ZNF587: variants seen among roughly 807,000 people sequenced by gnomAD.
The protein encoded by ZNF587 is zinc finger protein zfp6.
ZNF587 carries 8 observed loss-of-function variants against 7.5 expected under a neutral mutation model. That is an observed-to-expected ratio of 1.06 (90% CI 0.62 to 1.92). The LOEUF is 1.92. Ranked by LOEUF, ZNF587 falls within the 40% of genes most tolerant of loss-of-function variation. ZNF587 has a pLI of 0.00. For missense variants in ZNF587, 468 were observed against 692.8 expected (o/e 0.68, Z 3.64); for synonymous variants, 145 against 237.8 (o/e 0.61, Z 3.59).
intron 1 of ZNF587, chr19:57,851,571 G>T: frequency 6.5e-6 from 1 of 154,158 alleles, no homozygotes; most frequent in South Asian, 1.8e-4. Context: ...CACAGGTAGG[G>T]GTGCAGGCAA....
At position 57,864,741 on chromosome 19, in the gene ZNF587, C is replaced by CCA. The variant is rs990083709; in HGVS notation, c.*4609_*4610dup. On this transcript the variant is annotated 3_prime_UTR_variant, in exon 3 of 3. Transcript: ENST00000339656. ...AAGGGCTCGTTCAAACAAATTATGA[C>CCA]CACACACACTGAAGAGTATGTTTGT... The CCA allele has an allele frequency of 1.3e-5, 2 of 151,940 alleles. No individual in the cohort carries two copies. Among genetic ancestry groups the CCA allele is most frequent in the African/African-American group, 4.8e-5 (2 of 41,390 alleles). The allele number at this position is 151,940 out of a possible 1,614,324, so 9.4% of individuals were successfully genotyped here. A position where few individuals can be genotyped will look rare whatever the true frequency, so the allele number is the denominator to read the frequency against.
intron 1 of ZNF587, chr19:57,854,255 C>G (rs1442399164): frequency 6.6e-6 from 1 of 151,994 alleles, no homozygotes; most frequent in Non-Finnish European, 1.5e-5. Context: ...CAGCTGAGGT[C>G]TCAGCTGGTG....
In ZNF587 at chr19:57,859,620, C is replaced by T. The variant is rs778217823; in HGVS notation, c.1208C>T (p.Thr403Ile). The part of the protein sequence containing the change: ...GNLVHHQRGH[T>I]GERPYECKEC... The stretch of plus-strand genomic sequence containing the variant: ...CTCGTTCACCATCAGCGAGGTCATA[C>T]TGGAGAAAGGCCCTATGAGTGCAAG... The change falls in exon 3 of 3, where the codon ACT (threonine) becomes ATT (isoleucine). Residue 403 changes from threonine to isoleucine, a missense_variant. Transcript: ENST00000339656. The T allele has an allele frequency of 6.2e-7, 1 of 1,614,068 alleles. No individual in the cohort carries two copies. Among genetic ancestry groups the T allele is most frequent in the Non-Finnish European group, 8.5e-7 (1 of 1,180,026 alleles).
At position 57,849,960 on chromosome 19, in the gene ZNF587, G is replaced by C. The variant is rs28374851; in HGVS notation, c.-79G>C. On this transcript the variant is annotated 5_prime_UTR_variant, in exon 1 of 3. Transcript: ENST00000339656. Reference sequence around the variant, plus strand: ...TGAACCTAGAAGGTGGAGAGGAATCGTCCTCGGTGCCCAGAGGCGGCTCTG... The same window carrying C: ...TGAACCTAGAAGGTGGAGAGGAATCCTCCTCGGTGCCCAGAGGCGGCTCTG... 506,767 of 1,611,652 alleles carry C rather than the reference G, an allele frequency of 0.31. 86,251 individuals carry two copies. Among genetic ancestry groups the C allele is most frequent in the African/African-American group, 0.59 (44,287 of 74,812 alleles).
intron 1 of ZNF587, among the ~76,000 whole-genome samples, chr19:57,853,619 T>G (rs995138785): frequency 4.6e-5 from 7 of 152,180 alleles, no homozygotes; most frequent in East Asian, 3.9e-4. Flanking sequence ...AACAGGACAT[T>G]TAATACAGTA....
Position 57,850,223 on chromosome 19 carries a change from A to G in ZNF587, c.33+152A>G, listed in dbSNP as rs2071263971. 14 of 1,435,990 alleles carry G rather than the reference A, an allele frequency of 9.7e-6. No individual in the cohort carries two copies. In the South Asian group the frequency reaches 1.4e-4, roughly 15 times the overall value. 89.0% of individuals were successfully genotyped at this position (1,435,990 alleles called of 1,614,324 possible). A position where few individuals can be genotyped will look rare whatever the true frequency, so the allele number is the denominator to read the frequency against. On this transcript the variant is annotated intron_variant, in intron 1 of 2. Coordinates refer to ENST00000339656, the MANE Select transcript of ZNF587 (RefSeq NM_032828.4). ...AGGAGGCCTCTCCTTGTAACCGTCC[A>G]GTGGGTTCACGTTGCCAGCTGCCTA... is the stretch of plus-strand genomic sequence containing the variant.
At chr19:57,855,142 C>T (rs1041580306) in intron 1 of ZNF587, among the ~76,000 whole-genome samples, 1 of 151,816 alleles carries the variant, frequency 6.6e-6, no homozygotes, top group African/African-American at 2.4e-5. Context: ...TGAGATCATG[C>T]TACTGCCCTC....
rs2071421400 is a variant in ZNF587, at chr19:57,860,581, T to C, written c.*441T>C. 4.5e-6 allele frequency: 1 copy of C among 223,226 alleles called. No individual in the cohort carries two copies. Among genetic ancestry groups the C allele is most frequent in the African/African-American group, 2.3e-5 (1 of 43,614 alleles). 13.8% of individuals were successfully genotyped at this position (223,226 alleles called of 1,614,324 possible). ...CTGCACCTGGCCTTCATTCTTTTCG[T>C]ATTGCTTAGAATATGACATGCTGAA... On this transcript the variant is annotated 3_prime_UTR_variant, in exon 3 of 3. Transcript: ENST00000339656.
chr19:57,856,192 G>A lies in ZNF587; in HGVS notation c.122G>A (p.Arg41His), dbSNP rs200818331. The A allele has an allele frequency of 1.9e-5, 31 of 1,604,504 alleles. 1 individual carries two copies. Among genetic ancestry groups the A allele is most frequent in the African/African-American group, 1.3e-4 (10 of 74,646 alleles). ...AGTGAGGCTCAGAGGTGCTTGTACC[G>A]TGATGTGATGCTAGAGAACCTGGCT... ...LLSEAQRCLY[R>H]DVMLENLALI... is the part of the protein sequence containing the mutation. The change falls in exon 2 of 3, where the codon CGT becomes CAT. Residue 41 changes from arginine (R) to histidine (H), a missense_variant. Coordinates refer to ENST00000339656, the MANE Select transcript of ZNF587 (RefSeq NM_032828.4).
intron 1 of ZNF587, chr19:57,851,778 T>A (rs2071283611): frequency 6.6e-6 from 1 of 152,242 alleles, no homozygotes; most frequent in African/African-American, 2.4e-5. Flanking sequence ...TTAAGAAGTT[T>A]CCCAAAGGCC....
Position 57,860,299 on chromosome 19 carries a change from T to C in ZNF587, c.*159T>C, listed in dbSNP as rs778415246. ...GCGACTTCGTGTTGAGATGGAGTCTTGTTCTGTCACCCAGGCTGGAGTGCA... is the reference window on the plus strand; with the variant it reads ...GCGACTTCGTGTTGAGATGGAGTCTCGTTCTGTCACCCAGGCTGGAGTGCA... On this transcript the variant is annotated 3_prime_UTR_variant, in exon 3 of 3. Transcript: ENST00000339656. The C allele has an allele frequency of 3.4e-5, 48 of 1,411,240 alleles. No homozygotes were observed. Among genetic ancestry groups the C allele is most frequent in the Middle Eastern group, 1.8e-4 (1 of 5,502 alleles). 87.4% of individuals were successfully genotyped at this position (1,411,240 alleles called of 1,614,324 possible).
rs1250922046 is a variant in ZNF587 at position 57,856,186 on chromosome 19, T to C, written c.116T>C (p.Leu39Ser). 1.9e-6 allele frequency: 3 copies of C among 1,607,508 alleles called. No homozygotes were observed. In the African/African-American group the frequency reaches 4.0e-5, roughly 22 times the overall value. ...WCLLSEAQRC[L>S]YRDVMLENLA... is the part of the protein sequence containing the mutation. The stretch of plus-strand genomic sequence containing the variant: ...CTTCTTAGTGAGGCTCAGAGGTGCT[T>C]GTACCGTGATGTGATGCTAGAGAAC... The change falls in exon 2 of 3, where the codon TTG (leucine) becomes TCG (serine). Residue 39 changes from leucine to serine, a missense_variant. This residue lies in a region of ZNF587 where 92 missense variants were observed against 89.7 expected (regional missense o/e 1.03). Coordinates refer to ENST00000339656, the MANE Select transcript of ZNF587 (RefSeq NM_032828.4).
chr19:57,856,463 A>G (rs991606736), intron 2 of ZNF587, among the ~76,000 whole-genome samples: 5 of 150,032 alleles, frequency 3.3e-5, no homozygotes, highest in African/African-American at 1.2e-4. Flanking sequence ...GCTGGAGTAC[A>G]GCGGCGCCAT....
intron 2 of ZNF587, among the ~76,000 whole-genome samples, chr19:57,856,518 C>T (rs569022587): frequency 1.3e-5 from 2 of 151,948 alleles, no homozygotes; most frequent in East Asian, 1.9e-4. Flanking sequence ...TGCCGTTCTC[C>T]TGCCTCAGCC....
chr19:57,864,810 A>C lies in ZNF587; in HGVS notation c.*4670A>C, dbSNP rs898783730. The C allele has an allele frequency of 6.6e-6, 1 of 152,110 alleles. No homozygotes were observed. Among genetic ancestry groups the C allele is most frequent in the South Asian group, 2.1e-4 (1 of 4,830 alleles). 9.4% of individuals were successfully genotyped at this position (152,110 alleles called of 1,614,324 possible). A position where few individuals can be genotyped will look rare whatever the true frequency, so the allele number is the denominator to read the frequency against. On this transcript the variant is annotated 3_prime_UTR_variant, in exon 3 of 3. Transcript: ENST00000339656. ...TTTTTTATTACACCAAATTATGTTCACACAAAACCTTTGTAATCAGGGGGA... is the reference window on the plus strand; with the variant it reads ...TTTTTTATTACACCAAATTATGTTCCCACAAAACCTTTGTAATCAGGGGGA...
chr19:57,852,261 A>C (rs1360772872), intron 1 of ZNF587: 4 of 398,274 alleles, frequency 1.0e-5, no homozygotes, highest in Non-Finnish European at 8.9e-6. Context: ...ACACCCTTGT[A>C]AGATTAACCC....
Position 57,860,178 on chromosome 19 carries a change from C to T in ZNF587, c.*38C>T, listed in dbSNP as rs377376291. 5.6e-6 allele frequency: 9 copies of T among 1,613,776 alleles called. No homozygotes were observed. The highest frequency in any genetic ancestry group is 3.3e-5 in the South Asian group (3 of 91,044). ...TGGGAAATCGTTTGCTGAAGCATCC[C>T]GTCTCGTTAAACACAGGAGAGTTCA... On this transcript the variant is annotated 3_prime_UTR_variant, in exon 3 of 3. Coordinates refer to ENST00000339656, the MANE Select transcript of ZNF587 (RefSeq NM_032828.4).
In ZNF587 at chr19:57,860,741, G is replaced by C. The variant is rs575241415; in HGVS notation, c.*601G>C. 3.2e-5 allele frequency: 5 copies of C among 154,646 alleles called. No homozygotes were observed. The South Asian group carries it at 6.0e-4, about 18-fold the overall frequency. 9.6% of individuals were successfully genotyped at this position (154,646 alleles called of 1,614,324 possible). On this transcript the variant is annotated 3_prime_UTR_variant, in exon 3 of 3. Coordinates refer to ENST00000339656, the MANE Select transcript of ZNF587 (RefSeq NM_032828.4). ...CTACAAAAAGAAAAAAGAATGACAT[G>C]CTTCTTGTTTTTGTCTGTTATAAAT...
intron 1 of ZNF587, among the ~76,000 whole-genome samples, chr19:57,853,375 G>A (rs574568782): frequency 3.7e-4 from 56 of 152,324 alleles, no homozygotes; most frequent in African/African-American, 1.3e-3. Flanking sequence ...AGACATACTG[G>A]ATGGGGTATC....
Sources: gnomAD v4.1 joint callset for allele counts (sites outside exome capture counted in the v4.1 genomes callset) on GRCh38, gnomAD v4.1.1 for gene constraint, gnomAD v4.1.1 regional missense constraint, MANE v1.5 for transcripts, NCBI Gene and HGNC (gene_info 2026-07-23, HGNC 2026-07-21) for gene names.